The following PPP1R13B variants were observed in gnomAD, a reference collection of about 807,000 sequenced individuals.
PPP1R13B encodes protein phosphatase 1 regulatory subunit 13B, also known as apoptosis-stimulating of p53 protein 1.
In PPP1R13B, 44 loss-of-function variants were observed where a neutral mutation model predicts 119.8. The ratio of observed to expected loss-of-function variants is 0.37; its 90% CI spans 0.29 to 0.47. PPP1R13B has a LOEUF of 0.47. Among genes scored for constraint, PPP1R13B ranks in the 20% least tolerant of loss-of-function variants. The pLI is 0.99. For missense variants in PPP1R13B, 1,227 were observed against 1,413.5 expected, an observed-to-expected ratio of 0.87 and a Z score of 2.12; for synonymous variants, 542 against 561.5, an observed-to-expected ratio of 0.97 and a Z score of 0.49.
chr14:103,777,998 C>A (rs567189041), intron 4 of PPP1R13B, among the ~76,000 whole-genome samples: 2 of 151,268 alleles, frequency 1.3e-5, no homozygotes, highest in East Asian at 3.9e-4. Context: ...GTTGCCCAGG[C>A]TGGAGTGCAA....
rs1469540750 is a variant in PPP1R13B at position 103,740,158 on chromosome 14, C to T, written c.2258G>A (p.Gly753Asp). Residue 753 changes from glycine (G) to aspartate (D), a missense_variant, in exon 12 of 17, where the codon GGC (glycine) becomes GAC (aspartate). By Grantham distance (94) the Gly-to-Asp change is moderately conservative. Transcript: ENST00000202556. The surrounding 1 kb of genome is among the most constrained non-coding windows in gnomAD (Gnocchi z 4.6). ...YQPSPSQDFM[G>D]TLADVDNGNT... is the part of the protein sequence containing the mutation. ...TCCATTGTCCACATCGGCCAAGGTG[C>T]CCATGAAGTCCTGGGAGGGGCTGGG... The T allele has an allele frequency of 4.3e-6, 7 of 1,613,444 alleles. No homozygotes were observed. In the African/African-American group the frequency reaches 9.3e-5, roughly 22 times the overall value.
rs8548 is a variant in PPP1R13B, at chr14:103,733,243, A to C, written c.*1911T>G. 0.3 allele frequency: 169,821 copies of C among 574,164 alleles called. 27,315 individuals are homozygous for C. Among genetic ancestry groups the C allele is most frequent in the East Asian group, 0.33 (10,994 of 33,254 alleles). The allele number at this position is 574,164 out of a possible 1,614,324, so 35.6% of individuals were successfully genotyped here. On this transcript the variant is annotated 3_prime_UTR_variant, in exon 17 of 17. Coordinates refer to ENST00000202556, the MANE Select transcript of PPP1R13B (RefSeq NM_015316.3). ...CATGTTTTAGAATTTGTGTATTGTCAATACTTAATTGGGGGTGGGAGAGAC... is the reference window on the plus strand; with the variant it reads ...CATGTTTTAGAATTTGTGTATTGTCCATACTTAATTGGGGGTGGGAGAGAC...
chr14:103,743,195 T>C (rs1444179200), intron 9 of PPP1R13B, among the ~76,000 whole-genome samples: 2 of 152,264 alleles, frequency 1.3e-5, no homozygotes, highest in East Asian at 3.8e-4. Context: ...GCCCTTACTT[T>C]TGAAACACTA....
chr14:103,757,445 C>A (rs572548421), intron 5 of PPP1R13B, among the ~76,000 whole-genome samples: 36 of 152,242 alleles, frequency 2.4e-4, no homozygotes, highest in African/African-American at 8.4e-4. Flanking sequence ...TGCTCTTGTT[C>A]TGATAGCTTC....
chr14:103,737,896 A>T, intron 14 of PPP1R13B, 36 bp from the exon 15 acceptor site: 1 of 1,599,264 alleles, frequency 6.3e-7, no homozygotes, highest in Non-Finnish European at 8.5e-7. Flanking sequence ...CAGGCCTGGC[A>T]CTGCCTGTCC....
At chr14:103,836,089 A>G (rs2086770878) in intron 1 of PPP1R13B, among the ~76,000 whole-genome samples, 1 of 148,600 alleles carries the variant, frequency 6.7e-6, no homozygotes, top group Admixed American at 6.8e-5. Context: ...TTTGTTGCCC[A>G]GGCTGGAGTG....
At chr14:103,822,417 C>T (rs1279494760) in intron 1 of PPP1R13B, among the ~76,000 whole-genome samples, 1 of 151,976 alleles carries the variant, frequency 6.6e-6, no homozygotes, top group African/African-American at 2.4e-5. Context: ...TTAGAAGAAG[C>T]GTGAGCCACT....
At chr14:103,736,400 C>G (rs1370369934) in intron 15 of PPP1R13B, 198 bp from the exon 16 acceptor site, 12 of 610,240 alleles carry the variant, frequency 2.0e-5, no homozygotes, top group Non-Finnish European at 3.5e-5. Context: ...AGCTGCTGCT[C>G]CTGCTGCCGG....
chr14:103,743,576 G>C (rs2084312702), intron 9 of PPP1R13B, among the ~76,000 whole-genome samples: 1 of 152,204 alleles, frequency 6.6e-6, no homozygotes, highest in Non-Finnish European at 1.5e-5. Context: ...ACAGGAACAG[G>C]TGCTGAACTG....
chr14:103,774,524 T>C (rs2085139461), intron 4 of PPP1R13B, among the ~76,000 whole-genome samples: 1 of 152,148 alleles, frequency 6.6e-6, no homozygotes, highest in Admixed American at 6.5e-5. Flanking sequence ...AGCACAGTAG[T>C]ATTAACCTGA....
chr14:103,785,168 GA>G (rs2085429566), intron 2 of PPP1R13B, among the ~76,000 whole-genome samples: 1 of 152,188 alleles, frequency 6.6e-6, no homozygotes, highest in Admixed American at 6.5e-5. Context: ...AGGGAACACT[GA>G]AACATGCCTT....
rs1171886002 is a variant in PPP1R13B, at chr14:103,742,746, A to G, written c.1228T>C (p.Trp410Arg). Residue 410 changes from tryptophan to arginine, a missense_variant, in exon 10 of 17, where the codon TGG becomes CGG. Coordinates refer to ENST00000202556, the MANE Select transcript of PPP1R13B (RefSeq NM_015316.3). The surrounding 1 kb of genome is among the most constrained non-coding windows in gnomAD (Gnocchi z 4.9). ...GACCCCTCCACGCTCGGATCCTTCC[A>G]GTCTGCACCGGCCACCTGCACTGGT... is the stretch of plus-strand genomic sequence containing the variant. ...VKPVQVAGAD[W>R]KDPSVEGSVK... 12 of 1,614,160 alleles carry G rather than the reference A, an allele frequency of 7.4e-6. No homozygotes were observed. Among genetic ancestry groups the G allele is most frequent in the Admixed American group, 3.3e-5 (2 of 60,018 alleles).
At position 103,742,417 on chromosome 14, in the gene PPP1R13B, T is replaced by C; in HGVS notation, c.1321-126A>G. On this transcript the variant is annotated intron_variant, in intron 10 of 16. Coordinates refer to ENST00000202556, the MANE Select transcript of PPP1R13B (RefSeq NM_015316.3). The surrounding 1 kb of genome is among the most constrained non-coding windows in gnomAD (Gnocchi z 4.9). ...CGTCAAATTGGCTGTGACCAGGACT[T>C]GGGGCACACTGTTGAGCTCATTGCC... 4 of 1,348,608 alleles carry C rather than the reference T, an allele frequency of 3.0e-6. No individual in the cohort carries two copies. Among genetic ancestry groups the C allele is most frequent in the Non-Finnish European group, 4.0e-6 (4 of 1,003,020 alleles). 83.5% of individuals were successfully genotyped at this position (1,348,608 alleles called of 1,614,324 possible).
chr14:103,795,748 C>T (rs1408990784), intron 2 of PPP1R13B, among the ~76,000 whole-genome samples: 1 of 152,192 alleles, frequency 6.6e-6, no homozygotes, highest in Non-Finnish European at 1.5e-5. Flanking sequence ...TAACTGCCTG[C>T]TTCCTGTAGC....
chr14:103,812,763 CA>C (rs2086191408), intron 1 of PPP1R13B, among the ~76,000 whole-genome samples: 1 of 152,138 alleles, frequency 6.6e-6, no homozygotes, highest in Admixed American at 6.5e-5. Context: ...GATACTTCAC[CA>C]AAGATGACAT....
chr14:103,739,226 T>C (rs1595705866), intron 12 of PPP1R13B: 1 of 616,258 alleles, frequency 1.6e-6, no homozygotes, highest in East Asian at 2.8e-5. Flanking sequence ...GGGAGAGCCC[T>C]GTCTGAGGCC....
At chr14:103,798,453 A>T (rs1462421128) in intron 1 of PPP1R13B, among the ~76,000 whole-genome samples, 1 of 151,824 alleles carries the variant, frequency 6.6e-6, no homozygotes, top group Non-Finnish European at 1.5e-5. Context: ...CACCCGGCCA[A>T]GAATCTCTTA....
chr14:103,784,583 C>CAAAAAA lies in PPP1R13B; in HGVS notation c.277+206_277+211dup, dbSNP rs546875688. On this transcript the variant is annotated intron_variant, in intron 3 of 16. Coordinates refer to ENST00000202556, the MANE Select transcript of PPP1R13B (RefSeq NM_015316.3). ...GGGCGACAGAGTGAGACTCTGTCTC[C>CAAAAAA]AAAAAAAAAAAAAAAAAAAAAAAAA... Among the ~76,000 whole-genome samples, 44 of 60,564 alleles carry CAAAAAA rather than the reference C, an allele frequency of 7.3e-4. 2 individuals carry two copies. The highest frequency in any genetic ancestry group is 1.5e-3 in the South Asian group (2 of 1,362). 39.7% of individuals were successfully genotyped at this position (60,564 alleles called of 152,430 possible). A position where few individuals can be genotyped will look rare whatever the true frequency, so the allele number is the denominator to read the frequency against.
intron 15 of PPP1R13B, chr14:103,736,558 T>C: frequency 3.3e-6 from 1 of 298,960 alleles, no homozygotes; most frequent in Non-Finnish European, 6.4e-6. Flanking sequence ...TGCTCTTGGA[T>C]GGTAATGAAC....
Sources: gnomAD v4.1 joint callset for allele counts (sites outside exome capture counted in the v4.1 genomes callset) on GRCh38, gnomAD v4.1.1 for gene constraint, Gnocchi (gnomAD v3.1) non-coding constraint, MANE v1.5 for transcripts, NCBI Gene and HGNC (gene_info 2026-07-23, HGNC 2026-07-21) for gene names.